PLCL1: variants seen among roughly 807,000 people sequenced by gnomAD.
PLCL1 encodes phospholipase C like 1 (inactive), also known as inactive phospholipase C-like protein 1.
A neutral mutation model predicts 84.4 loss-of-function variants in PLCL1; 41 were observed. That is an observed-to-expected ratio of 0.49 (90% CI 0.38 to 0.63). The LOEUF (loss-of-function observed/expected upper bound fraction) is 0.63. Ranked by LOEUF, PLCL1 falls within the 30% of genes least tolerant of loss-of-function variation. PLCL1 has a pLI of 0.00. For synonymous variants in PLCL1, 490 were observed against 488.3 expected (o/e 1.00, Z -0.05); for missense variants, 1,206 against 1,367.8 (o/e 0.88, Z 1.87).
At chr2:198,069,232 T>G (rs989240607) in intron 1 of PLCL1, among the ~76,000 whole-genome samples, 1 of 151,620 alleles carries the variant, frequency 6.6e-6, no homozygotes, top group Non-Finnish European at 1.5e-5. Flanking sequence ...GGCTCATGCC[T>G]GTAATCCCAG....
intron 1 of PLCL1, among the ~76,000 whole-genome samples, chr2:197,903,841 C>A (rs1349067307): frequency 7.3e-6 from 1 of 137,188 alleles, no homozygotes; most frequent in East Asian, 2.1e-4. Context: ...TCGCTCTTGT[C>A]GACCAGGCTG....
rs1043229220 is a variant in PLCL1 at position 197,994,198 on chromosome 2, T to C, written c.241-89560T>C. On this transcript the variant is annotated intron_variant, in intron 1 of 5. Coordinates refer to ENST00000428675, the MANE Select transcript of PLCL1 (RefSeq NM_006226.4). ...CACACCAGTAACTTTCTCCAAATAG[T>C]CTTCTGTAATCTCCAACTACCTAGA... 4.6e-5 allele frequency among the ~76,000 whole-genome samples: 7 copies of C among 152,272 alleles called. No homozygotes were observed. In the East Asian group the frequency reaches 7.7e-4, roughly 17 times the overall value.
chr2:198,074,138 G>A (rs1220025678), intron 1 of PLCL1, among the ~76,000 whole-genome samples: 4 of 152,066 alleles, frequency 2.6e-5, no homozygotes, highest in Admixed American at 6.5e-5. Context: ...TGTAAGTGAT[G>A]CATATAACCT....
rs112927288 is a variant in PLCL1 at position 197,820,791 on chromosome 2, T to C, written c.240+15452T>C. On this transcript the variant is annotated intron_variant, in intron 1 of 5. Coordinates refer to ENST00000428675, the MANE Select transcript of PLCL1 (RefSeq NM_006226.4). ...GAAAAATCTGGAGAAAGCAAAACTG[T>C]GATTTAAGTTCTTTACCCACTGTGC... is the stretch of plus-strand genomic sequence containing the variant. 5.7e-3 allele frequency among the ~76,000 whole-genome samples: 866 copies of C among 152,262 alleles called. 13 individuals are homozygous for C. The highest frequency in any genetic ancestry group is 0.019 in the African/African-American group (809 of 41,566).
At chr2:198,057,121 C>A (rs547979525) in intron 1 of PLCL1, among the ~76,000 whole-genome samples, 10 of 152,308 alleles carry the variant, frequency 6.6e-5, no homozygotes, top group Non-Finnish European at 1.0e-4. Context: ...TGAACAACCA[C>A]TTTTCTTAAT....
At chr2:197,991,849 G>C (rs1253965113) in intron 1 of PLCL1, among the ~76,000 whole-genome samples, 1 of 152,092 alleles carries the variant, frequency 6.6e-6, no homozygotes, top group Non-Finnish European at 1.5e-5. Context: ...AGAGTGAGGA[G>C]AGGTTGGAGC....
intron 1 of PLCL1, among the ~76,000 whole-genome samples, chr2:197,961,041 C>T (rs1478123762): frequency 1.3e-5 from 2 of 151,988 alleles, no homozygotes; most frequent in Non-Finnish European, 2.9e-5. Context: ...TTTGGTTTCT[C>T]TTTAATAATC....
chr2:198,134,595 G>A (rs1694209914), intron 5 of PLCL1, among the ~76,000 whole-genome samples: 1 of 152,130 alleles, frequency 6.6e-6, no homozygotes, highest in African/African-American at 2.4e-5. Flanking sequence ...CACATGCCAT[G>A]ATTCACTCTC....
Position 198,085,239 on chromosome 2 carries a change from T to C in PLCL1, c.1722T>C (p.Gly574=). Residue 574 remains glycine, a synonymous_variant, in exon 2 of 6, where the codon GGT becomes GGC. Coordinates refer to ENST00000428675, the MANE Select transcript of PLCL1 (RefSeq NM_006226.4). The surrounding 1 kb of genome is among the most constrained non-coding windows in gnomAD (Gnocchi z 5.3). Reference sequence around the variant, plus strand: ...GAAGGATGTCGGTAGATTACAATGGTGAGCAGAAGCAAATCCGACTCTGTA... The same window carrying C: ...GAAGGATGTCGGTAGATTACAATGGCGAGCAGAAGCAAATCCGACTCTGTA... ...MSRRMSVDYN[G]EQKQIRLCRE... 1 of 1,614,006 alleles carries C rather than the reference T, an allele frequency of 6.2e-7. No homozygotes were observed.
At chr2:197,940,692 G>T in intron 1 of PLCL1, among the ~76,000 whole-genome samples, 1 of 152,164 alleles carries the variant, frequency 6.6e-6, no homozygotes, top group Admixed American at 6.5e-5. Context: ...GCCTGCATTT[G>T]GGTGAGGAAA....
intron 5 of PLCL1, among the ~76,000 whole-genome samples, chr2:198,124,651 A>T (rs1008066956): frequency 1.3e-5 from 2 of 152,100 alleles, no homozygotes; most frequent in African/African-American, 4.8e-5. Flanking sequence ...CAACAAACAC[A>T]AACAAAATCT....
At chr2:198,031,365 G>A (rs966416912) in intron 1 of PLCL1, among the ~76,000 whole-genome samples, 6 of 151,906 alleles carry the variant, frequency 3.9e-5, no homozygotes, top group East Asian at 1.9e-4. Context: ...AAGAGGCCCC[G>A]TGTCTTTATA....
chr2:198,108,286 G>A (rs996145899), intron 5 of PLCL1, among the ~76,000 whole-genome samples: 2 of 151,808 alleles, frequency 1.3e-5, no homozygotes, highest in Admixed American at 6.6e-5. Flanking sequence ...ACAATTCTGC[G>A]TTGCCTACTG....
At chr2:197,806,433 G>A (rs961837115) in intron 1 of PLCL1, among the ~76,000 whole-genome samples, 30 of 152,156 alleles carry the variant, frequency 2.0e-4, no homozygotes, top group African/African-American at 6.8e-4. Flanking sequence ...CATGTTGCAA[G>A]CTCCCAGCAC....
In PLCL1 at chr2:198,143,486, A is replaced by G. The variant is rs188863288; in HGVS notation, c.3106-3294A>G. On this transcript the variant is annotated intron_variant, in intron 5 of 5. Transcript: ENST00000428675. ...TTGGAGGAAATGATACACAGGACAA[A>G]GACGTTTAGAGGGAGATCTGGTATA... is the stretch of plus-strand genomic sequence containing the variant. 1.4e-4 allele frequency among the ~76,000 whole-genome samples: 22 copies of G among 152,292 alleles called. No individual in the cohort carries two copies. The East Asian group carries it at 4.3e-3, about 29-fold the overall frequency.
chr2:197,805,471 C>T lies in PLCL1; in HGVS notation c.240+132C>T. 1.2e-6 allele frequency: 1 copy of T among 859,010 alleles called. No individual in the cohort carries two copies. Among genetic ancestry groups the T allele is most frequent in the Non-Finnish European group, 1.5e-6 (1 of 645,646 alleles). 53.2% of individuals were successfully genotyped at this position (859,010 alleles called of 1,614,324 possible). On this transcript the variant is annotated intron_variant, in intron 1 of 5. Transcript: ENST00000428675. This position sits in a 1 kb window ranked among gnomAD's most constrained non-coding sequence, Gnocchi z 4.0. Reference sequence around the variant, plus strand: ...TCTCCCACCTCCTTCAACGCCAAACCTTCCTTCCTTATCCGGAGGTTCCCA... The same window carrying T: ...TCTCCCACCTCCTTCAACGCCAAACTTTCCTTCCTTATCCGGAGGTTCCCA...
chr2:197,853,755 A>G (rs1574913692), intron 1 of PLCL1, among the ~76,000 whole-genome samples: 1 of 151,916 alleles, frequency 6.6e-6, no homozygotes, highest in South Asian at 2.1e-4. Flanking sequence ...CCCTGTTTCT[A>G]CCCAAGCTAT....
chr2:198,016,715 G>T (rs559939671), intron 1 of PLCL1, among the ~76,000 whole-genome samples: 1 of 152,222 alleles, frequency 6.6e-6, no homozygotes, highest in Non-Finnish European at 1.5e-5. Flanking sequence ...TATTACTTAG[G>T]GCTCAACTTT....
In PLCL1 at chr2:198,043,041, C is replaced by T. The variant is rs555517972; in HGVS notation, c.241-40717C>T. ...TTTCCAAGAGAGGATATATTGGCTGCCCAGATCTGAGCAGTTAAGTGGGAA... is the reference window on the plus strand; with the variant it reads ...TTTCCAAGAGAGGATATATTGGCTGTCCAGATCTGAGCAGTTAAGTGGGAA... On this transcript the variant is annotated intron_variant, in intron 1 of 5. Transcript: ENST00000428675. Among the ~76,000 whole-genome samples the T allele has an allele frequency of 4.6e-5, 7 of 152,114 alleles. No homozygotes were observed. The East Asian group carries it at 1.2e-3, about 25-fold the overall frequency.
Sources: gnomAD v4.1 joint callset for allele counts (sites outside exome capture counted in the v4.1 genomes callset) on GRCh38, gnomAD v4.1.1 for gene constraint, Gnocchi (gnomAD v3.1) non-coding constraint, MANE v1.5 for transcripts, NCBI Gene and HGNC (gene_info 2026-07-23, HGNC 2026-07-21) for gene names.